The following BANK1 variants were observed in gnomAD, a reference collection of about 807,000 sequenced individuals.
BANK1 encodes B-cell scaffold protein with ankyrin repeats.
In BANK1, 95 loss-of-function variants were observed where a neutral mutation model predicts 94.5. The ratio of observed to expected loss-of-function variants is 1.00; its 90% CI spans 0.85 to 1.19. The LOEUF is 1.19. BANK1 is among the 50% of genes most tolerant of loss of function. The probability of loss-of-function intolerance (pLI) is 0.00; values close to 1 mark genes in which losing one functional copy is unlikely to be tolerated. For synonymous variants in BANK1, 334 were observed against 308.4 expected (o/e 1.08, Z -0.87); for missense variants, 987 against 932.2 (o/e 1.06, Z -0.77).
At chr4:102,057,035 C>T (rs1728248943) in intron 11 of BANK1, among the ~76,000 whole-genome samples, 2 of 151,858 alleles carry the variant, frequency 1.3e-5, no homozygotes, top group African/African-American at 4.8e-5. Context: ...CAAAACAAAA[C>T]AAACAAACAA....
intron 4 of BANK1, among the ~76,000 whole-genome samples, chr4:101,869,532 G>A (rs771580519): frequency 6.6e-6 from 1 of 151,864 alleles, no homozygotes; most frequent in Non-Finnish European, 1.5e-5. Flanking sequence ...GCTTAAGATT[G>A]CTTTCGTTGC....
At chr4:101,861,386 A>G (rs1277529823) in intron 3 of BANK1, among the ~76,000 whole-genome samples, 1 of 152,198 alleles carries the variant, frequency 6.6e-6, no homozygotes. Flanking sequence ...TTTGAGAAAC[A>G]TGATTTTATA....
At chr4:102,015,276 T>C (rs990934493) in intron 7 of BANK1, among the ~76,000 whole-genome samples, 1 of 152,138 alleles carries the variant, frequency 6.6e-6, no homozygotes, top group Non-Finnish European at 1.5e-5. Flanking sequence ...TTTTTTGGTA[T>C]CTTTTTGACT....
chr4:101,964,690 A>T (rs543600520), intron 7 of BANK1, among the ~76,000 whole-genome samples: 1 of 152,142 alleles, frequency 6.6e-6, no homozygotes, highest in South Asian at 2.1e-4. Context: ...CTTCCTCCTT[A>T]GGGATGGAGA....
At chr4:101,969,000 A>G (rs753123058) in intron 7 of BANK1, among the ~76,000 whole-genome samples, 2 of 152,078 alleles carry the variant, frequency 1.3e-5, no homozygotes, top group African/African-American at 4.8e-5. Flanking sequence ...TCAGAAAACA[A>G]AGAATGCTGT....
At chr4:101,861,201 T>C (rs1727863547) in intron 3 of BANK1, among the ~76,000 whole-genome samples, 1 of 152,216 alleles carries the variant, frequency 6.6e-6, no homozygotes, top group South Asian at 2.1e-4. Context: ...GAAAAATATT[T>C]AGGAGTATTA....
chr4:101,910,858 AG>A (rs1722641486), intron 6 of BANK1, among the ~76,000 whole-genome samples: 1 of 152,116 alleles, frequency 6.6e-6, no homozygotes, highest in African/African-American at 2.4e-5. Flanking sequence ...TAGATACTGA[AG>A]GAAAGTAGAA....
Position 101,855,018 on chromosome 4 carries a change from C to G in BANK1, c.470-17C>G. On this transcript the variant is annotated splice_polypyrimidine_tract_variant and intron_variant, in intron 2 of 16. Transcript: ENST00000322953. ...CTTTAGTTATATTATAATCTACATT[C>G]ATAAAATTTTCTCTAGATTCTGAAG... 1.3e-6 allele frequency: 2 copies of G among 1,580,092 alleles called. No homozygotes were observed. The highest frequency in any genetic ancestry group is 1.7e-6 in the Non-Finnish European group (2 of 1,154,224).
chr4:101,981,747 A>G (rs1235812476), intron 7 of BANK1: 4 of 152,048 alleles, frequency 2.6e-5, no homozygotes, highest in Non-Finnish European at 5.9e-5. Flanking sequence ...CTAAGCTACT[A>G]TACTAGTTCT....
In BANK1 at chr4:102,025,286, G is replaced by T; in HGVS notation, c.1371G>T (p.Gly457=). ...ADGAEANEME[G]EGKQNGSGME... ...GAGCTGAGGCAAATGAAATGGAAGGGGAAGGAAAACAGAATGGATCAGGCA... is the reference window on the plus strand; with the variant it reads ...GAGCTGAGGCAAATGAAATGGAAGGTGAAGGAAAACAGAATGGATCAGGCA... Residue 457 remains glycine, a synonymous_variant, in exon 9 of 17, where the codon GGG becomes GGT. Coordinates refer to ENST00000322953, the MANE Select transcript of BANK1 (RefSeq NM_017935.5). The T allele has an allele frequency of 6.2e-7, 1 of 1,614,018 alleles. No homozygotes were observed. The highest frequency in any genetic ancestry group is 8.5e-7 in the Non-Finnish European group (1 of 1,179,972).
intron 2 of BANK1, among the ~76,000 whole-genome samples, chr4:101,837,075 G>C (rs1032232745): frequency 6.6e-6 from 1 of 152,124 alleles, no homozygotes; most frequent in African/African-American, 2.4e-5. Context: ...ATGGAATAAA[G>C]TCAAAATACC....
intron 1 of BANK1, among the ~76,000 whole-genome samples, chr4:101,827,032 T>G (rs1726391989): frequency 6.6e-6 from 1 of 151,922 alleles, no homozygotes; most frequent in Admixed American, 6.6e-5. Context: ...GAGTTTGGCG[T>G]TTCACTCTTT....
intron 7 of BANK1, among the ~76,000 whole-genome samples, chr4:101,961,229 A>C (rs1724558857): frequency 6.6e-6 from 1 of 152,222 alleles, no homozygotes. Context: ...TACAATATTT[A>C]AGGAAGTTTT....
chr4:101,804,686 G>A (rs1057320274), intron 1 of BANK1, among the ~76,000 whole-genome samples: 35 of 152,250 alleles, frequency 2.3e-4, no homozygotes, highest in African/African-American at 7.5e-4. Context: ...TATTGTAAAT[G>A]TGTTTTATCT....
intron 11 of BANK1, among the ~76,000 whole-genome samples, chr4:102,054,469 C>T (rs1181612694): frequency 6.6e-6 from 1 of 152,030 alleles, no homozygotes; most frequent in African/African-American, 2.4e-5. Context: ...TGAGAAAGAG[C>T]TTTGAGCCCT....
At chr4:101,898,709 A>G (rs1380284550) in intron 6 of BANK1, among the ~76,000 whole-genome samples, 1 of 152,090 alleles carries the variant, frequency 6.6e-6, no homozygotes, top group East Asian at 1.9e-4. Context: ...TCCTCAATTT[A>G]GAGTTATTTT....
chr4:101,974,820 G>A (rs573792792), intron 7 of BANK1, among the ~76,000 whole-genome samples: 7 of 151,974 alleles, frequency 4.6e-5, no homozygotes, highest in African/African-American at 7.3e-5. Context: ...AGCTGGGCAC[G>A]GTGGCAGGTG....
At chr4:101,864,109 C>T (rs1727981197) in intron 4 of BANK1, among the ~76,000 whole-genome samples, 1 of 152,150 alleles carries the variant, frequency 6.6e-6, no homozygotes, top group Non-Finnish European at 1.5e-5. Flanking sequence ...AACAACAAAT[C>T]TGTAATAAAT....
At chr4:101,930,981 G>A (rs1723318065) in intron 7 of BANK1, among the ~76,000 whole-genome samples, 3 of 151,540 alleles carry the variant, frequency 2.0e-5, no homozygotes, top group Admixed American at 2.0e-4. Context: ...TGTGTTTTAT[G>A]CAGATGGACT....
Sources: gnomAD v4.1 joint callset for allele counts (sites outside exome capture counted in the v4.1 genomes callset) on GRCh38, gnomAD v4.1.1 for gene constraint, MANE v1.5 for transcripts, NCBI Gene and HGNC (gene_info 2026-07-23, HGNC 2026-07-21) for gene names.